PDE2A: variants seen among roughly 807,000 people sequenced by gnomAD.
The protein encoded by PDE2A is cGMP-dependent 3',5'-cyclic phosphodiesterase.
In PDE2A, 53 loss-of-function variants were observed where a neutral mutation model predicts 133.6. The observed-to-expected ratio is 0.40, with a 90% CI of 0.32 to 0.50. PDE2A has a LOEUF of 0.50. Ranked by LOEUF, PDE2A falls within the 20% of genes least tolerant of loss-of-function variation. The probability of loss-of-function intolerance (pLI) is 0.73; values close to 1 mark genes in which losing one functional copy is unlikely to be tolerated. For missense variants in PDE2A, 796 were observed against 1,232.4 expected (o/e 0.65, Z 5.30); for synonymous variants, 491 against 490.2 (o/e 1.00, Z -0.02).
intron 2 of PDE2A, among the ~76,000 whole-genome samples, chr11:72,618,421 T>G (rs1244253028): frequency 1.3e-5 from 2 of 152,098 alleles, no homozygotes; most frequent in Non-Finnish European, 2.9e-5. Flanking sequence ...TCACTGGGAC[T>G]CTCATCCTTC....
chr11:72,639,301 A>T (rs1858848789), intron 2 of PDE2A, among the ~76,000 whole-genome samples: 1 of 152,154 alleles, frequency 6.6e-6, no homozygotes, highest in Non-Finnish European at 1.5e-5. Context: ...CACAAATAGA[A>T]CTAAATCGAG....
chr11:72,638,893 G>T (rs561349651), intron 2 of PDE2A, among the ~76,000 whole-genome samples: 1 of 152,324 alleles, frequency 6.6e-6, no homozygotes, highest in South Asian at 2.1e-4. Flanking sequence ...TGGCCAGCAA[G>T]ATCCCTTTTG....
chr11:72,652,576 C>T (rs1293339736), intron 1 of PDE2A: 2 of 456,132 alleles, frequency 4.4e-6, no homozygotes, highest in South Asian at 1.5e-5. Context: ...TTTTAAACAA[C>T]TTTAAAGGGG....
At chr11:72,593,562 G>A (rs1327253048) in intron 6 of PDE2A, among the ~76,000 whole-genome samples, 1 of 152,174 alleles carries the variant, frequency 6.6e-6, no homozygotes, top group Non-Finnish European at 1.5e-5. Flanking sequence ...CCCCATCCCC[G>A]TGCAGGGAGC....
intron 3 of PDE2A, among the ~76,000 whole-genome samples, chr11:72,608,371 A>T (rs17162381): frequency 0.01 from 1,534 of 152,264 alleles, 23 homozygotes; most frequent in African/African-American, 0.035. Flanking sequence ...TCCTAGGTGA[A>T]TCCCTTTCAT....
At chr11:72,630,895 G>T (rs2135416067) in intron 2 of PDE2A, among the ~76,000 whole-genome samples, 1 of 152,144 alleles carries the variant, frequency 6.6e-6, no homozygotes, top group Middle Eastern at 3.4e-3. Context: ...CTTCCAGGCT[G>T]GGGATATATA....
rs776147973 is a variant in PDE2A at position 72,578,384 on chromosome 11, C to CG, written c.2509-46dup. ...AGGCCTGTCCCTCTCATTCCTCCAT[C>CG]GGGTACCAGGGTCAGGCTAGTTCAA... On this transcript the variant is annotated intron_variant, in intron 29 of 30. Transcript: ENST00000334456. This position sits in a 1 kb window ranked among gnomAD's most constrained non-coding sequence, Gnocchi z 4.2. The CG allele has an allele frequency of 7.6e-6, 12 of 1,576,476 alleles. No homozygotes were observed. Among genetic ancestry groups the CG allele is most frequent in the Non-Finnish European group, 1.0e-5 (12 of 1,145,760 alleles).
chr11:72,641,571 A>G lies in PDE2A; in HGVS notation c.144+683T>C, dbSNP rs188860469. Among the ~76,000 whole-genome samples the G allele has an allele frequency of 2.8e-3, 427 of 152,332 alleles. 2 individuals carry two copies. The highest frequency in any genetic ancestry group is 4.3e-3 in the Non-Finnish European group (290 of 68,026). ...AAGAGAAACCAGAGGAGAAGCCCAG[A>G]GAATAAAGTGGGACCACTGTACCTG... On this transcript the variant is annotated intron_variant, in intron 2 of 30. Transcript: ENST00000334456.
intron 3 of PDE2A, 47 bp downstream of exon 3, chr11:72,608,614 AG>A: frequency 1.2e-6 from 1 of 826,566 alleles, no homozygotes; most frequent in Non-Finnish European, 1.9e-6. Flanking sequence ...AGCTGGTCAA[AG>A]GATTTGGGGG....
At chr11:72,596,153 C>T (rs1168424889) in intron 6 of PDE2A, among the ~76,000 whole-genome samples, 3 of 152,184 alleles carry the variant, frequency 2.0e-5, no homozygotes, top group Admixed American at 1.3e-4. Flanking sequence ...TCTGTCCCTC[C>T]GCAGCATCTC....
intron 1 of PDE2A, among the ~76,000 whole-genome samples, chr11:72,671,508 C>A (rs1010467342): frequency 2.0e-5 from 3 of 152,090 alleles, no homozygotes; most frequent in Non-Finnish European, 2.9e-5. Context: ...CCCCACCCCC[C>A]ACCATTTGGC....
Position 72,608,767 on chromosome 11 carries a change from G to C in PDE2A, c.145-16C>G, listed in dbSNP as rs368057441. The C allele has an allele frequency of 6.8e-7, 1 of 1,463,788 alleles. No individual in the cohort carries two copies. The highest frequency in any genetic ancestry group is 1.2e-5 in the South Asian group (1 of 82,998). The allele number at this position is 1,463,788 out of a possible 1,614,324, so 90.7% of individuals were successfully genotyped here. Reference sequence around the variant, plus strand: ...GCAAGGCGTCCTGGAAGAGAGGAGAGGGCAGTGAGAGGCTTTGCCAGGCAG... The same window carrying C: ...GCAAGGCGTCCTGGAAGAGAGGAGACGGCAGTGAGAGGCTTTGCCAGGCAG... On this transcript the variant is annotated splice_polypyrimidine_tract_variant and intron_variant, in intron 2 of 30. Transcript: ENST00000334456.
chr11:72,630,139 G>A (rs1858302843), intron 2 of PDE2A, among the ~76,000 whole-genome samples: 1 of 152,086 alleles, frequency 6.6e-6, no homozygotes, highest in African/African-American at 2.4e-5. Flanking sequence ...TCGGGGGGTG[G>A]GGATGGCACC....
intron 2 of PDE2A, chr11:72,615,015 C>A: frequency 4.5e-6 from 2 of 441,518 alleles, no homozygotes; most frequent in East Asian, 6.8e-5. Flanking sequence ...CTCCATGCCC[C>A]CATCCCTCCA....
At chr11:72,644,638 G>A (rs559729466) in intron 1 of PDE2A, among the ~76,000 whole-genome samples, 90 of 152,320 alleles carry the variant, frequency 5.9e-4, no homozygotes, top group Non-Finnish European at 5.0e-4. Context: ...GTCAACAGCC[G>A]ACCCTGGCCT....
chr11:72,644,724 A>AT (rs1412783559), intron 1 of PDE2A, among the ~76,000 whole-genome samples: 2 of 148,612 alleles, frequency 1.3e-5, no homozygotes, highest in Non-Finnish European at 3.0e-5. Flanking sequence ...AAGTTATTTT[A>AT]TTTATTTTAT....
chr11:72,622,160 C>G (rs1336954104), intron 2 of PDE2A, among the ~76,000 whole-genome samples: 2 of 144,358 alleles, frequency 1.4e-5, no homozygotes, highest in Admixed American at 1.4e-4. Context: ...CACCCCACAC[C>G]CATTAGGATG....
At chr11:72,664,509 G>A (rs1855175257) in intron 1 of PDE2A, among the ~76,000 whole-genome samples, 1 of 150,614 alleles carries the variant, frequency 6.6e-6, no homozygotes, top group African/African-American at 2.4e-5. Flanking sequence ...GAGTAGCTGG[G>A]ACTACAGGCG....
chr11:72,636,105 T>C, intron 2 of PDE2A: 1 of 1,236,130 alleles, frequency 8.1e-7, no homozygotes, highest in Non-Finnish European at 1.1e-6. Context: ...GCAGAATGCC[T>C]GCCCCCTGAA....
Sources: allele counts gnomAD v4.1 joint callset (sites outside exome capture counted in the v4.1 genomes callset), GRCh38; gene constraint gnomAD v4.1.1; non-coding constraint Gnocchi (gnomAD v3.1); transcripts MANE v1.5; gene names NCBI Gene and HGNC (gene_info 2026-07-23, HGNC 2026-07-21).